The following GOLIM4 variants were observed in gnomAD, a reference collection of about 807,000 sequenced individuals.
GOLIM4 encodes the protein golgi integral membrane protein 4.
GOLIM4 carries 71 observed loss-of-function variants against 107.4 expected under a neutral mutation model. The ratio of observed to expected loss-of-function variants is 0.66; its 90% CI spans 0.55 to 0.81. The LOEUF (loss-of-function observed/expected upper bound fraction) is 0.81. Ranked by LOEUF, GOLIM4 falls within the 30% of genes least tolerant of loss-of-function variation. The pLI is 0.00. For missense variants in GOLIM4, 830 were observed against 826.1 expected, an observed-to-expected ratio of 1.00 and a Z score of -0.06; for synonymous variants, 327 against 294.8, an observed-to-expected ratio of 1.11 and a Z score of -1.12.
At position 168,019,002 on chromosome 3, in the gene GOLIM4, C is replaced by T. The variant is rs562593873; in HGVS notation, c.1860+5524G>A. 6.1e-5 allele frequency among the ~76,000 whole-genome samples: 9 copies of T among 147,528 alleles called. No homozygotes were observed. In the East Asian group the frequency reaches 1.6e-3, roughly 26 times the overall value. ...GTAGCACAAAAAAAAAAAAAGAAAA[C>T]AAAAAACTATAGACAATACGTAAAC... On this transcript the variant is annotated intron_variant, in intron 14 of 15. Coordinates refer to ENST00000470487, the MANE Select transcript of GOLIM4 (RefSeq NM_014498.5).
chr3:168,020,787 C>G (rs1200724791), intron 14 of GOLIM4, among the ~76,000 whole-genome samples: 1 of 152,100 alleles, frequency 6.6e-6, no homozygotes, highest in Non-Finnish European at 1.5e-5. Context: ...ATATTTGGGG[C>G]AAAAGCAATG....
chr3:168,052,715 G>T (rs1168442607), intron 1 of GOLIM4, among the ~76,000 whole-genome samples: 2 of 152,004 alleles, frequency 1.3e-5, no homozygotes, highest in East Asian at 3.9e-4. Flanking sequence ...ATCTAGCTAG[G>T]TTTACTGTTT....
At chr3:168,068,686 G>T (rs1720675296) in intron 1 of GOLIM4, among the ~76,000 whole-genome samples, 1 of 151,492 alleles carries the variant, frequency 6.6e-6, no homozygotes, top group South Asian at 2.1e-4. Context: ...AAACAACTTA[G>T]ATTTTAAAAA....
At chr3:168,059,313 A>G (rs1351917046) in intron 1 of GOLIM4, among the ~76,000 whole-genome samples, 2 of 152,234 alleles carry the variant, frequency 1.3e-5, no homozygotes, top group African/African-American at 4.8e-5. Flanking sequence ...GAATGCACCT[A>G]ACTACCACTG....
At chr3:168,078,719 T>C (rs1463400515) in intron 1 of GOLIM4, among the ~76,000 whole-genome samples, 2 of 152,200 alleles carry the variant, frequency 1.3e-5, no homozygotes, top group Non-Finnish European at 2.9e-5. Context: ...CAAAAGGTAA[T>C]TGGTGGGTCT....
chr3:168,041,538 T>C (rs901413736), intron 5 of GOLIM4, 64 bp from the exon 6 acceptor site: 5 of 774,444 alleles, frequency 6.5e-6, no homozygotes, highest in African/African-American at 1.7e-5. Flanking sequence ...GTTTCTATTA[T>C]TTTCATATCT....
chr3:168,037,451 T>TATACAC (rs1718722868), intron 7 of GOLIM4, among the ~76,000 whole-genome samples: 1 of 149,514 alleles, frequency 6.7e-6, no homozygotes, highest in African/African-American at 2.5e-5. Context: ...TAAATACACA[T>TATACAC]ACACACACAC....
intron 1 of GOLIM4, among the ~76,000 whole-genome samples, chr3:168,051,132 G>C (rs1406708043): frequency 1.3e-5 from 2 of 152,106 alleles, no homozygotes; most frequent in African/African-American, 4.8e-5. Context: ...AGGAAGGACA[G>C]AACTCATCAG....
chr3:168,063,959 T>C (rs78312153), intron 1 of GOLIM4, among the ~76,000 whole-genome samples: 3,506 of 152,254 alleles, frequency 0.023, 132 homozygotes, highest in African/African-American at 0.08. Flanking sequence ...CTGAGGATGA[T>C]GTGACATAAA....
chr3:168,048,399 A>G (rs1161302771), intron 1 of GOLIM4, 34 bp from the exon 2 acceptor site: 2 of 1,030,620 alleles, frequency 1.9e-6, no homozygotes, highest in Non-Finnish European at 2.9e-6. Context: ...GTCTTCAAAG[A>G]ATTAGAAATT....
chr3:168,056,242 G>A (rs113514816), intron 1 of GOLIM4, among the ~76,000 whole-genome samples: 6,275 of 152,316 alleles, frequency 0.041, 169 homozygotes, highest in Non-Finnish European at 0.067. Flanking sequence ...GCTTCCACAC[G>A]GTGCTGAGCC....
intron 3 of GOLIM4, 37 bp from the exon 4 acceptor site, chr3:168,044,918 A>G (rs1719216990): frequency 2.7e-5 from 32 of 1,201,710 alleles, no homozygotes; most frequent in Non-Finnish European, 3.8e-5. Flanking sequence ...CACAAAGATA[A>G]ATATGGCTCT....
chr3:168,092,464 A>G (rs1721963774), intron 1 of GOLIM4, among the ~76,000 whole-genome samples: 1 of 152,238 alleles, frequency 6.6e-6, no homozygotes, highest in Admixed American at 6.5e-5. Flanking sequence ...AAAGGAATCT[A>G]TGGAGTATAA....
rs1717891473 is a variant in GOLIM4 at position 168,024,568 on chromosome 3, C to T, written c.1818G>A (p.Glu606=). ...CCTGGTACTGTTCATCAACATTGTCCTCCTGCTGGTCTGGATTTCCTGCCA... is the reference window on the plus strand; with the variant it reads ...CCTGGTACTGTTCATCAACATTGTCTTCCTGCTGGTCTGGATTTCCTGCCA... ...LVMAGNPDQQ[E]DNVDEQYQEE... is the part of the protein sequence containing the mutation. The change falls in exon 14 of 16, where the codon GAG becomes GAA. Residue 606 remains glutamate, a synonymous_variant. Coordinates refer to ENST00000470487, the MANE Select transcript of GOLIM4 (RefSeq NM_014498.5). 6.4e-7 allele frequency: 1 copy of T among 1,562,190 alleles called. No individual in the cohort carries two copies. The highest frequency in any genetic ancestry group is 8.8e-7 in the Non-Finnish European group (1 of 1,135,990).
intron 1 of GOLIM4, among the ~76,000 whole-genome samples, chr3:168,071,199 A>T (rs979383208): frequency 2.6e-5 from 4 of 152,214 alleles, no homozygotes; most frequent in African/African-American, 9.6e-5. Context: ...GTCATGCTAA[A>T]GTAGAGAGAA....
Position 168,032,534 on chromosome 3 carries a change from G to A in GOLIM4, c.1162C>T (p.His388Tyr), listed in dbSNP as rs562832050. ...QREAANLLEG[H>Y]ARAEVYPSAK... ...TGACTTCATACCTCAGCACGCGCGT[G>A]CCCTTCCAGGAGGTTGGCTGCTTCT... The change falls in exon 9 of 16, where the codon CAC becomes TAC. Residue 388 changes from histidine to tyrosine, a missense_variant. Transcript: ENST00000470487. 37 of 1,613,850 alleles carry A rather than the reference G, an allele frequency of 2.3e-5. No homozygotes were observed. The highest frequency in any genetic ancestry group is 4.0e-5 in the African/African-American group (3 of 75,004).
rs1721645009 is a variant in GOLIM4 at position 168,086,682 on chromosome 3, T to C, written c.187+8417A>G. Among the ~76,000 whole-genome samples the C allele has an allele frequency of 2.0e-5, 3 of 152,334 alleles. 1 individual carries two copies. Among genetic ancestry groups the C allele is most frequent in the Non-Finnish European group, 4.4e-5 (3 of 68,014 alleles). On this transcript the variant is annotated intron_variant, in intron 1 of 15. Transcript: ENST00000470487. ...TATTTTTTAAAATGTCATACGGCTA[T>C]AGAGAGCAATTTATTTCATGCCCAT...
chr3:168,011,351 C>T (rs9869242), intron 14 of GOLIM4, among the ~76,000 whole-genome samples: 41,472 of 152,158 alleles, frequency 0.27, 7,323 homozygotes, highest in Non-Finnish European at 0.39. Flanking sequence ...TAAAAAACGG[C>T]GCACCACGAG....
At chr3:168,025,590 T>G (rs1486484637) in intron 12 of GOLIM4, among the ~76,000 whole-genome samples, 1 of 152,064 alleles carries the variant, frequency 6.6e-6, no homozygotes, top group African/African-American at 2.4e-5. Context: ...AAAGGACCCA[T>G]AAAAAGGATA....
Sources: gnomAD v4.1 joint callset for allele counts (sites outside exome capture counted in the v4.1 genomes callset) on GRCh38, gnomAD v4.1.1 for gene constraint, MANE v1.5 for transcripts, NCBI Gene and HGNC (gene_info 2026-07-23, HGNC 2026-07-21) for gene names.